The following HS3ST2 variants were observed in gnomAD, a reference collection of about 807,000 sequenced individuals.
The protein encoded by HS3ST2 is heparan sulfate-glucosamine 3-sulfotransferase 2, also known as heparan sulfate glucosamine 3-O-sulfotransferase 2.
In HS3ST2, 17 loss-of-function variants were observed where a neutral mutation model predicts 26.3. The observed-to-expected ratio is 0.65, with a 90% confidence interval of 0.44 to 0.97. The LOEUF is 0.97. Ranked by LOEUF, HS3ST2 falls within the 50% of genes least tolerant of loss-of-function variation. The pLI, the probability that HS3ST2 is intolerant of heterozygous loss-of-function variation, is 0.00. For synonymous variants in HS3ST2, 237 were observed against 219.2 expected, an observed-to-expected ratio of 1.08 and a Z score of -0.72; for missense variants, 402 against 501.2, an observed-to-expected ratio of 0.80 and a Z score of 1.89.
intron 1 of HS3ST2, among the ~76,000 whole-genome samples, chr16:22,866,540 C>T (rs1309396236): frequency 6.6e-6 from 1 of 152,068 alleles, no homozygotes; most frequent in Non-Finnish European, 1.5e-5. Context: ...GAGGCTAAGG[C>T]AGGCAGATCA....
At position 22,857,915 on chromosome 16, in the gene HS3ST2, A is replaced by C. The variant is rs138009753; in HGVS notation, c.485+42820A>C. ...CTATAATTAATAAGCCACTCAGTAC[A>C]TTGGAGGGGAGCTGAAGGAGAGATG... On this transcript the variant is annotated intron_variant, in intron 1 of 1. Coordinates refer to ENST00000261374, the MANE Select transcript of HS3ST2 (RefSeq NM_006043.2). 1.5e-4 allele frequency among the ~76,000 whole-genome samples: 23 copies of C among 152,224 alleles called. No individual in the cohort carries two copies. The East Asian group carries it at 3.5e-3, about 23-fold the overall frequency.
At chr16:22,820,173 C>G (rs777381248) in intron 1 of HS3ST2, among the ~76,000 whole-genome samples, 1 of 152,166 alleles carries the variant, frequency 6.6e-6, no homozygotes, top group Non-Finnish European at 1.5e-5. Context: ...CCATAAACCC[C>G]CCCCCATTTG....
At chr16:22,826,714 G>A (rs1464081896) in intron 1 of HS3ST2, among the ~76,000 whole-genome samples, 1 of 152,192 alleles carries the variant, frequency 6.6e-6, no homozygotes, top group African/African-American at 2.4e-5. Flanking sequence ...GAGTCTGTTC[G>A]GGGCTACAAA....
At chr16:22,847,984 T>C (rs960919091) in intron 1 of HS3ST2, among the ~76,000 whole-genome samples, 1 of 152,118 alleles carries the variant, frequency 6.6e-6, no homozygotes, top group Non-Finnish European at 1.5e-5. Context: ...AAAGAATTTG[T>C]TCAATTAATA....
chr16:22,883,273 AC>A (rs1902016056), intron 1 of HS3ST2, among the ~76,000 whole-genome samples: 1 of 152,222 alleles, frequency 6.6e-6, no homozygotes, highest in South Asian at 2.1e-4. Flanking sequence ...ATTGTCCATA[AC>A]ATCAGCCCTG....
rs761370570 is a variant in HS3ST2 at position 22,814,881 on chromosome 16, G to C, written c.271G>C (p.Ala91Pro). 6 of 1,560,060 alleles carry C rather than the reference G, an allele frequency of 3.8e-6. No homozygotes were observed. Among genetic ancestry groups the C allele is most frequent in the Non-Finnish European group, 5.2e-6 (6 of 1,153,204 alleles). Residue 91 changes from alanine (A) to proline (P), a missense_variant, in exon 1 of 2, where the codon GCC becomes CCC. By Grantham distance (27) the Ala-to-Pro change is conservative. Around this residue, in one of 2 missense-constraint regions of HS3ST2, gnomAD observed 165 missense variants for 154.6 expected, o/e 1.07. Coordinates refer to ENST00000261374, the MANE Select transcript of HS3ST2 (RefSeq NM_006043.2). ...GCCCAGCGCTCCCAGCGCGCCCGCC[G>C]CCGCCGTGCCCGCCCCTCGCCTCTC... ...SEPSAPSAPA[A>P]AVPAPRLSGS... is the part of the protein sequence containing the mutation.
At chr16:22,827,052 T>G (rs1901097587) in intron 1 of HS3ST2, among the ~76,000 whole-genome samples, 1 of 152,116 alleles carries the variant, frequency 6.6e-6, no homozygotes, top group Admixed American at 6.5e-5. Context: ...GCAGGGTGGT[T>G]AGGGAAGGCC....
At chr16:22,853,402 T>C (rs927955430) in intron 1 of HS3ST2, among the ~76,000 whole-genome samples, 1 of 152,218 alleles carries the variant, frequency 6.6e-6, no homozygotes, top group African/African-American at 2.4e-5. Flanking sequence ...AAATGGCATC[T>C]TCCACAGAAA....
At chr16:22,848,602 T>TA (rs1247099055) in intron 1 of HS3ST2, among the ~76,000 whole-genome samples, 1 of 152,222 alleles carries the variant, frequency 6.6e-6, no homozygotes, top group African/African-American at 2.4e-5. Flanking sequence ...AGGAATTCTC[T>TA]ACCTTCACAT....
At chr16:22,867,684 C>T (rs1901776569) in intron 1 of HS3ST2, among the ~76,000 whole-genome samples, 1 of 152,154 alleles carries the variant, frequency 6.6e-6, no homozygotes, top group Non-Finnish European at 1.5e-5. Context: ...AGTTGAGAAA[C>T]ATGGAAAGGA....
intron 1 of HS3ST2, among the ~76,000 whole-genome samples, chr16:22,850,245 T>C (rs1901498776): frequency 6.6e-6 from 1 of 151,942 alleles, no homozygotes; most frequent in African/African-American, 2.4e-5. Context: ...ATAATCAGAA[T>C]GAAGGACAGT....
intron 1 of HS3ST2, among the ~76,000 whole-genome samples, chr16:22,867,941 G>GA (rs1399172525): frequency 6.6e-6 from 1 of 152,162 alleles, no homozygotes; most frequent in African/African-American, 2.4e-5. Context: ...TAAGCTCTTT[G>GA]AAAAGATTAA....
At chr16:22,855,799 A>G (rs1901586209) in intron 1 of HS3ST2, among the ~76,000 whole-genome samples, 1 of 151,590 alleles carries the variant, frequency 6.6e-6, no homozygotes, top group East Asian at 1.9e-4. Flanking sequence ...TTCAACCCTT[A>G]TATCCTCACA....
intron 1 of HS3ST2, among the ~76,000 whole-genome samples, chr16:22,913,770 G>A (rs1902455496): frequency 6.6e-6 from 1 of 152,142 alleles, no homozygotes; most frequent in African/African-American, 2.4e-5. Flanking sequence ...AGAAACCAAG[G>A]CAGGAGGATC....
At chr16:22,834,325 C>T (rs974633288) in intron 1 of HS3ST2, among the ~76,000 whole-genome samples, 7 of 152,044 alleles carry the variant, frequency 4.6e-5, no homozygotes, top group African/African-American at 1.7e-4. Context: ...ACTTAATATA[C>T]CATTTTATAC....
chr16:22,825,564 G>A (rs1434111010), intron 1 of HS3ST2, among the ~76,000 whole-genome samples: 2 of 152,186 alleles, frequency 1.3e-5, no homozygotes, highest in Non-Finnish European at 2.9e-5. Context: ...ATTTGGGAAA[G>A]CTTCCTGGAG....
At chr16:22,848,964 G>C (rs1348132494) in intron 1 of HS3ST2, among the ~76,000 whole-genome samples, 1 of 152,228 alleles carries the variant, frequency 6.6e-6, no homozygotes, top group African/African-American at 2.4e-5. Flanking sequence ...CAATGTGAGA[G>C]TCTTTAAAAG....
intron 1 of HS3ST2, among the ~76,000 whole-genome samples, chr16:22,827,349 C>A (rs1162052363): frequency 1.3e-5 from 2 of 152,162 alleles, no homozygotes; most frequent in Non-Finnish European, 2.9e-5. Flanking sequence ...TGAGCAAATG[C>A]AGGACTATTG....
chr16:22,835,003 C>T (rs1901233318), intron 1 of HS3ST2, among the ~76,000 whole-genome samples: 1 of 152,080 alleles, frequency 6.6e-6, no homozygotes, highest in African/African-American at 2.4e-5. Context: ...GCTGCTTATA[C>T]TGGATTGACT....
Sources: gnomAD v4.1 joint callset for allele counts (sites outside exome capture counted in the v4.1 genomes callset) on GRCh38, gnomAD v4.1.1 for gene constraint, gnomAD v4.1.1 regional missense constraint, MANE v1.5 for transcripts, NCBI Gene and HGNC (gene_info 2026-07-23, HGNC 2026-07-21) for gene names.